Variants in DNA2 observed in about 807,000 individuals in gnomAD.
DNA2 encodes DNA replication helicase/nuclease 2.
A neutral mutation model predicts 119.1 loss-of-function variants in DNA2; 101 were observed. That is an observed-to-expected ratio of 0.85 (90% CI 0.72 to 1.00). The LOEUF is 1.00. DNA2 is among the 50% of genes least tolerant of loss of function. The pLI is 0.00. For missense variants in DNA2, 1,121 were observed against 1,255.5 expected (o/e 0.89, Z 1.62); for synonymous variants, 366 against 424.4 (o/e 0.86, Z 1.69).
rs760122439 is a variant in DNA2, at chr10:68,431,847, GAAT to G, written c.1983+12_1983+14del. 6.4e-7 allele frequency: 1 copy of G among 1,554,190 alleles called. No homozygotes were observed. The highest frequency in any genetic ancestry group is 8.8e-7 in the Non-Finnish European group (1 of 1,130,680). The stretch of plus-strand genomic sequence containing the variant: ...ACAAATATTTTGTCTCTAAGCAGAA[GAAT>G]AATAACCTTACGAGAGTACATATCG... On this transcript the variant is annotated intron_variant, in intron 13 of 20. Transcript: ENST00000358410.
At position 68,419,015 on chromosome 10, in the gene DNA2, G is replaced by A. The variant is rs900823161; in HGVS notation, c.2967+19C>T. The A allele has an allele frequency of 3.2e-6, 5 of 1,566,850 alleles. No homozygotes were observed. The highest frequency in any genetic ancestry group is 2.3e-5 in the East Asian group (1 of 42,928). On this transcript the variant is annotated intron_variant, in intron 19 of 20. Coordinates refer to ENST00000358410, the MANE Select transcript of DNA2 (RefSeq NM_001080449.3). Reference sequence around the variant, plus strand: ...GAGAAATGCCCCAAATGAATCAGTAGCAAACACAATTAACTCACAGTTCCA... The same window carrying A: ...GAGAAATGCCCCAAATGAATCAGTAACAAACACAATTAACTCACAGTTCCA...
intron 9 of DNA2, among the ~76,000 whole-genome samples, chr10:68,442,212 C>A (rs888417501): frequency 2.0e-5 from 3 of 150,708 alleles, no homozygotes; most frequent in Admixed American, 2.0e-4. Context: ...GACGCCCTGA[C>A]AAAAGTAATT....
chr10:68,441,335 T>TTAA (rs2051964914), intron 9 of DNA2, among the ~76,000 whole-genome samples: 1 of 121,116 alleles, frequency 8.3e-6, no homozygotes, highest in Non-Finnish European at 1.8e-5. Context: ...CCCTGTCTCT[T>TTAA]AAAAAAAAAA....
At chr10:68,436,820 G>C in intron 10 of DNA2, 191 bp downstream of exon 10, 1 of 488,032 alleles carries the variant, frequency 2.0e-6, no homozygotes, top group African/African-American at 2.0e-5. Context: ...GACTACTAAA[G>C]GGTATAGGGC....
In DNA2 at chr10:68,449,142, T is replaced by C. The variant is rs548404115; in HGVS notation, c.939+886A>G. ...TCTCCTGTTTAGCATTATAAAGTGA[T>C]TTCATTCAAACTTGTGATTTTAAAA... On this transcript the variant is annotated intron_variant, in intron 6 of 20. Transcript: ENST00000358410. Among the ~76,000 whole-genome samples the C allele has an allele frequency of 3.3e-5, 5 of 152,230 alleles. No homozygotes were observed. In the East Asian group the frequency reaches 7.7e-4, roughly 24 times the overall value.
chr10:68,424,382 T>C (rs7918843), intron 14 of DNA2, among the ~76,000 whole-genome samples: 2,697 of 151,742 alleles, frequency 0.018, 86 homozygotes, highest in African/African-American at 0.062. Context: ...CATATACCTA[T>C]AGTCCCACCT....
chr10:68,424,539 G>A (rs950736855), intron 14 of DNA2: 4 of 726,866 alleles, frequency 5.5e-6, no homozygotes, highest in South Asian at 1.4e-5. Flanking sequence ...GCCTGAGGCC[G>A]CCGCTAGCCG....
Position 68,414,998 on chromosome 10 carries a change from G to T in DNA2, c.*41C>A. ...TTTTCTGTATGGGCACTAGCTAGAG[G>T]AGATACTGCCCTAGTATGAAAAGGC... is the stretch of plus-strand genomic sequence containing the variant. On this transcript the variant is annotated 3_prime_UTR_variant, in exon 21 of 21. Transcript: ENST00000358410. 1 of 1,280,892 alleles carries T rather than the reference G, an allele frequency of 7.8e-7. No homozygotes were observed. Among genetic ancestry groups the T allele is most frequent in the Non-Finnish European group, 1.1e-6 (1 of 900,674 alleles). 79.3% of individuals were successfully genotyped at this position (1,280,892 alleles called of 1,614,324 possible).
At position 68,443,074 on chromosome 10, in the gene DNA2, T is replaced by C; in HGVS notation, c.1258A>G (p.Ile420Val). 2.5e-6 allele frequency: 4 copies of C among 1,582,720 alleles called. No individual in the cohort carries two copies. Among genetic ancestry groups the C allele is most frequent in the South Asian group, 1.1e-5 (1 of 87,106 alleles). ...EQQMDCSSVP[I>V]VMLPKIEEET... ...TCTTCTATTTTGGGCAGCATCACAATTGGGACTGAACTACAATCCATCTGT... is the reference window on the plus strand; with the variant it reads ...TCTTCTATTTTGGGCAGCATCACAACTGGGACTGAACTACAATCCATCTGT... Residue 420 changes from isoleucine (I) to valine (V), a missense_variant, in exon 9 of 21, where the codon ATT (isoleucine) becomes GTT (valine). Coordinates refer to ENST00000358410, the MANE Select transcript of DNA2 (RefSeq NM_001080449.3).
chr10:68,472,322 G>A (rs1231507656), upstream of DNA2, among the ~76,000 whole-genome samples: 1 of 152,118 alleles, frequency 6.6e-6, no homozygotes, highest in Non-Finnish European at 1.5e-5. Context: ...AGGCGCCCCT[G>A]GTTAGCCTTC....
intron 1 of DNA2, among the ~76,000 whole-genome samples, chr10:68,470,914 A>G (rs2052375270): frequency 6.6e-6 from 1 of 152,216 alleles, no homozygotes; most frequent in African/African-American, 2.4e-5. Context: ...ATTTAGCTCA[A>G]TCCTTTACAG....
At chr10:68,421,077 T>C (rs1443009874) in intron 17 of DNA2, among the ~76,000 whole-genome samples, 1 of 152,000 alleles carries the variant, frequency 6.6e-6, no homozygotes, top group Non-Finnish European at 1.5e-5. Flanking sequence ...TAGCTGGGAC[T>C]ACAGGCGCAC....
chr10:68,443,077 G>T lies in DNA2; in HGVS notation c.1255C>A (p.Pro419Thr). 1 of 1,580,636 alleles carries T rather than the reference G, an allele frequency of 6.3e-7. No homozygotes were observed. Among genetic ancestry groups the T allele is most frequent in the Non-Finnish European group, 8.6e-7 (1 of 1,161,924 alleles). ...VEQQMDCSSVPIVMLPKIEEE... is the reference protein window; with the variant it reads ...VEQQMDCSSVTIVMLPKIEEE... ...TCTATTTTGGGCAGCATCACAATTG[G>T]GACTGAACTACAATCCATCTGTTGT... The change falls in exon 9 of 21, where the codon CCA (proline) becomes ACA (threonine). Residue 419 changes from proline (P) to threonine (T), a missense_variant. Physicochemically the swap from Pro to Thr is conservative, Grantham distance 38. Transcript: ENST00000358410.
chr10:68,418,869 C>T (rs2051628014), intron 19 of DNA2, among the ~76,000 whole-genome samples, 165 bp downstream of exon 19: 1 of 151,706 alleles, frequency 6.6e-6, no homozygotes, highest in Admixed American at 6.6e-5. Context: ...GACAGGGTTT[C>T]GCCATGCTGT....
rs34001465 is a variant in DNA2 at position 68,434,270 on chromosome 10, C to CAA, written c.1647-1762_1647-1761dup. On this transcript the variant is annotated intron_variant, in intron 10 of 20. Coordinates refer to ENST00000358410, the MANE Select transcript of DNA2 (RefSeq NM_001080449.3). ...AGCCTGGGCAACAGTGAGACGGTCT[C>CAA]AAAAAAAAAAAAGCCTTCCCTGAAC... 5.6e-4 allele frequency among the ~76,000 whole-genome samples: 73 copies of CAA among 131,380 alleles called. 1 individual carries two copies. Among genetic ancestry groups the CAA allele is most frequent in the African/African-American group, 1.3e-3 (48 of 36,176 alleles). 86.2% of individuals were successfully genotyped at this position (131,380 alleles called of 152,430 possible).
chr10:68,437,609 C>T (rs1012496470), intron 9 of DNA2, among the ~76,000 whole-genome samples: 1 of 151,988 alleles, frequency 6.6e-6, no homozygotes, highest in South Asian at 2.1e-4. Flanking sequence ...AAGATCTCAC[C>T]ATTGCTCAAC....
chr10:68,453,853 C>T (rs2052150754), intron 5 of DNA2, among the ~76,000 whole-genome samples: 1 of 152,162 alleles, frequency 6.6e-6, no homozygotes, highest in Admixed American at 6.6e-5. Context: ...TTGCCTAACA[C>T]CACATTTCTC....
rs375303446 is a variant in DNA2 at position 68,471,885 on chromosome 10, A to C, written c.-21T>G. 37 of 1,613,922 alleles carry C rather than the reference A, an allele frequency of 2.3e-5. No individual in the cohort carries two copies. The Middle Eastern group carries it at 4.9e-4, about 22-fold the overall frequency. The stretch of plus-strand genomic sequence containing the variant: ...TCCATCCTGGACGCGGGGATCGCAA[A>C]CTGTAGACAGAAAAGACAGCGGAAC... On this transcript the variant is annotated 5_prime_UTR_variant, in exon 1 of 21. Transcript: ENST00000358410.
rs752045519 is a variant in DNA2 at position 68,437,197 on chromosome 10, T to A, written c.1460A>T (p.His487Leu). 2 of 1,612,286 alleles carry A rather than the reference T, an allele frequency of 1.2e-6. No homozygotes were observed. Among genetic ancestry groups the A allele is most frequent in the East Asian group, 2.2e-5 (1 of 44,812 alleles). Residue 487 changes from histidine to leucine, a missense_variant, in exon 10 of 21, where the codon CAT (histidine) becomes CTT (leucine). His to Leu is a moderately conservative substitution (Grantham distance 99). Coordinates refer to ENST00000358410, the MANE Select transcript of DNA2 (RefSeq NM_001080449.3). ...SCIGNLIRME[H>L]VKIVCDGQYL... ...TTGCCCATCACAAACTATCTTTACA[T>A]GTTCCATTCTAATCAGGTTTCCAAT...
Sources: gnomAD v4.1 joint callset for allele counts (sites outside exome capture counted in the v4.1 genomes callset) on GRCh38, gnomAD v4.1.1 for gene constraint, MANE v1.5 for transcripts, NCBI Gene and HGNC (gene_info 2026-07-23, HGNC 2026-07-21) for gene names.